RBFOX1: variants seen among roughly 807,000 people sequenced by gnomAD.
RBFOX1 encodes RNA binding fox-1 homolog 1.
Under a neutral mutation model 57.7 loss-of-function variants are expected in RBFOX1, and 8 were observed. The observed-to-expected ratio is 0.14, with a 90% CI of 0.08 to 0.25. The LOEUF (loss-of-function observed/expected upper bound fraction) is 0.25, where lower values mean the gene tolerates loss of function less well. Among genes scored for constraint, RBFOX1 ranks in the 10% least tolerant of loss-of-function variants. The pLI, the probability that RBFOX1 is intolerant of heterozygous loss-of-function variation, is 1.00. For missense variants in RBFOX1, 611 were observed against 548.5 expected, an observed-to-expected ratio of 1.11 and a Z score of -1.14; for synonymous variants, 326 against 222.4, an observed-to-expected ratio of 1.47 and a Z score of -4.15.
chr16:6,869,935 G>A (rs535278832), intron 3 of RBFOX1, among the ~76,000 whole-genome samples: 8 of 152,248 alleles, frequency 5.3e-5, no homozygotes, highest in South Asian at 2.1e-4. Context: ...TCATCTCAGC[G>A]TCTTGGGGAC....
At chr16:6,450,067 A>G (rs1487839791) in intron 2 of RBFOX1, among the ~76,000 whole-genome samples, 1 of 152,128 alleles carries the variant, frequency 6.6e-6, no homozygotes, top group South Asian at 2.1e-4. Context: ...AGTAAGAAAC[A>G]GGCATGCCTT....
chr16:5,261,516 G>C (rs184087131), intron 1 of RBFOX1, among the ~76,000 whole-genome samples: 4 of 149,804 alleles, frequency 2.7e-5, no homozygotes, highest in Non-Finnish European at 4.4e-5. Context: ...GAAATTATAG[G>C]CACCCATCCA....
intron 4 of RBFOX1, among the ~76,000 whole-genome samples, chr16:7,366,526 C>T (rs1041681926): frequency 1.3e-5 from 2 of 152,286 alleles, no homozygotes; most frequent in South Asian, 4.1e-4. Context: ...GAGATGATTT[C>T]TGTCCTTCCT....
Position 5,969,325 on chromosome 16 carries a change from G to GTTTTTTTTTTTTTTTTTTTTTTT in RBFOX1, c.351+101993_351+101994insTTTTTTTTTTTTTTTTTTTTTTT, listed in dbSNP as rs1392384342. On this transcript the variant is annotated intron_variant, in intron 4 of 19. Coordinates refer to the RBFOX1 transcript ENST00000641259. ...TTTTTTTTTTTTTTTTTTTTTTTTG[G>GTTTTTTTTTTTTTTTTTTTTTTT]TTTGGAAATGGAGTCTCTCACTGTC... Among the ~76,000 whole-genome samples, 26 of 120,648 alleles carry GTTTTTTTTTTTTTTTTTTTTTTT rather than the reference G, an allele frequency of 2.2e-4. 1 individual carries two copies. The highest frequency in any genetic ancestry group is 2.6e-4 in the Non-Finnish European group (16 of 60,856). 79.1% of individuals were successfully genotyped at this position (120,648 alleles called of 152,430 possible).
intron 14 of RBFOX1, 54 bp downstream of exon 14, chr16:7,676,892 T>C (rs947522135): frequency 2.4e-5 from 36 of 1,511,328 alleles, no homozygotes; most frequent in Admixed American, 8.4e-5. Flanking sequence ...ACTTAGTTGA[T>C]GGGAGAGGAG....
intron 3 of RBFOX1, among the ~76,000 whole-genome samples, chr16:5,850,277 G>A (rs1313439299): frequency 1.3e-5 from 2 of 152,156 alleles, no homozygotes; most frequent in Admixed American, 1.3e-4. Context: ...AGTAATGAGT[G>A]GAGTGAGAGA....
chr16:5,688,129 A>T (rs2151452105), intron 3 of RBFOX1, among the ~76,000 whole-genome samples: 2 of 152,310 alleles, frequency 1.3e-5, no homozygotes, highest in Admixed American at 6.5e-5. Flanking sequence ...TGTAGTTCTA[A>T]GGAGAAGCTG....
intron 4 of RBFOX1, among the ~76,000 whole-genome samples, chr16:7,252,190 G>A (rs1477473926): frequency 2.6e-5 from 4 of 152,278 alleles, no homozygotes; most frequent in Non-Finnish European, 5.9e-5. Flanking sequence ...AAGGAGGAAG[G>A]AGCTGGTTCT....
intron 3 of RBFOX1, among the ~76,000 whole-genome samples, chr16:6,830,117 A>G (rs1024837677): frequency 1.3e-5 from 2 of 151,594 alleles, no homozygotes; most frequent in African/African-American, 4.9e-5. Flanking sequence ...AGGTTTTACC[A>G]TGTTGGCCAG....
At chr16:6,952,931 C>G (rs960449790) in intron 3 of RBFOX1, among the ~76,000 whole-genome samples, 2 of 151,958 alleles carry the variant, frequency 1.3e-5, no homozygotes, top group African/African-American at 2.4e-5. Flanking sequence ...GCCTATTGCC[C>G]CATTGCACTC....
rs866425306 is a variant in RBFOX1 at position 5,275,819 on chromosome 16, G to T, written c.219+35714G>T. Reference sequence around the variant, plus strand: ...AGGCTATAGTGACCAAAACAGCATGGTGCTGGTATAAAAATAGGCACATGA... The same window carrying T: ...AGGCTATAGTGACCAAAACAGCATGTTGCTGGTATAAAAATAGGCACATGA... On this transcript the variant is annotated intron_variant, in intron 1 of 2. Transcript: ENST00000585867. Among the ~76,000 whole-genome samples the T allele has an allele frequency of 2.0e-5, 3 of 152,296 alleles. 1 individual carries two copies. In the South Asian group the frequency reaches 6.2e-4, roughly 32 times the overall value.
chr16:7,392,699 G>C (rs1441716803), intron 4 of RBFOX1, among the ~76,000 whole-genome samples: 1 of 152,124 alleles, frequency 6.6e-6, no homozygotes, highest in East Asian at 1.9e-4. Context: ...AAGGAATTCT[G>C]ATTATGTTAA....
chr16:6,394,618 C>T (rs2092744501), intron 2 of RBFOX1, among the ~76,000 whole-genome samples: 1 of 151,340 alleles, frequency 6.6e-6, no homozygotes, highest in South Asian at 2.1e-4. Context: ...CCTGGATAAA[C>T]AACTAGGTAT....
In RBFOX1 at chr16:5,963,522, A is replaced by G. The variant is rs369858582; in HGVS notation, c.351+96187A>G. ...GTTTCAAATTATATTACAAAGTTAT[A>G]GTAATTAAAACACTATGGTACTGGC... On this transcript the variant is annotated intron_variant, in intron 4 of 19. Coordinates refer to the RBFOX1 transcript ENST00000641259. Among the ~76,000 whole-genome samples the G allele has an allele frequency of 2.0e-5, 3 of 152,360 alleles. No homozygotes were observed. In the East Asian group the frequency reaches 5.8e-4, roughly 29 times the overall value.
chr16:5,579,600 A>C (rs1596332142), intron 2 of RBFOX1, among the ~76,000 whole-genome samples: 1 of 151,906 alleles, frequency 6.6e-6, no homozygotes, highest in Non-Finnish European at 1.5e-5. Context: ...CGCCCTGGTG[A>C]CCCCGTTTTG....
At chr16:6,554,691 T>C (rs1029644218) in intron 2 of RBFOX1, among the ~76,000 whole-genome samples, 6 of 151,922 alleles carry the variant, frequency 3.9e-5, no homozygotes, top group Non-Finnish European at 7.4e-5. Context: ...AGTGTGGAAA[T>C]CTTCAGTCCA....
intron 1 of RBFOX1, among the ~76,000 whole-genome samples, chr16:6,179,853 C>G (rs1242773482): frequency 2.0e-5 from 3 of 152,182 alleles, no homozygotes; most frequent in African/African-American, 7.2e-5. Flanking sequence ...GTGATACCAG[C>G]TGTAGTATTT....
chr16:5,919,967 C>G (rs1039802065), intron 4 of RBFOX1, among the ~76,000 whole-genome samples: 2 of 152,042 alleles, frequency 1.3e-5, no homozygotes, highest in Non-Finnish European at 2.9e-5. Flanking sequence ...TAGACGGAGT[C>G]TCGCACTGTC....
intron 2 of RBFOX1, among the ~76,000 whole-genome samples, chr16:6,584,001 T>A (rs1192485872): frequency 9.6e-5 from 14 of 146,112 alleles, no homozygotes; most frequent in South Asian, 6.5e-4. Context: ...CAACAACATT[T>A]AAAAAAAAAA....
Sources: gnomAD v4.1 joint callset for allele counts (sites outside exome capture counted in the v4.1 genomes callset) on GRCh38, gnomAD v4.1.1 for gene constraint, MANE v1.5 for transcripts, NCBI Gene and HGNC (gene_info 2026-07-23, HGNC 2026-07-21) for gene names.